The following ANXA7 variants were observed in gnomAD, a reference collection of about 807,000 sequenced individuals.
ANXA7 encodes the protein annexin VII.
ANXA7 carries 55 observed loss-of-function variants against 64.9 expected under a neutral mutation model. The ratio of observed to expected loss-of-function variants is 0.85; its 90% CI spans 0.68 to 1.06. The LOEUF (loss-of-function observed/expected upper bound fraction) is 1.06, where lower values mean the gene tolerates loss of function less well. ANXA7 is among the 50% of genes least tolerant of loss of function. ANXA7 has a pLI of 0.00. For synonymous variants in ANXA7, 200 were observed against 192.4 expected, an observed-to-expected ratio of 1.04 and a Z score of -0.33; for missense variants, 548 against 582.1, an observed-to-expected ratio of 0.94 and a Z score of 0.60.
At chr10:73,379,821 T>G in intron 11 of ANXA7, 58 bp downstream of exon 11, 1 of 1,462,070 alleles carries the variant, frequency 6.8e-7, no homozygotes, top group East Asian at 2.3e-5. Context: ...TGGGAACAAC[T>G]ATTCAAAGCT....
chr10:73,405,476 T>C (rs367659862), intron 1 of ANXA7, among the ~76,000 whole-genome samples: 2 of 152,122 alleles, frequency 1.3e-5, no homozygotes, highest in East Asian at 3.9e-4. Context: ...GAGGCAGAGG[T>C]TGCAGTGAGC....
chr10:73,396,591 GT>G lies in ANXA7; in HGVS notation c.371-9del. 1 of 1,585,430 alleles carries G rather than the reference GT, an allele frequency of 6.3e-7. No individual in the cohort carries two copies. Among genetic ancestry groups the G allele is most frequent in the Non-Finnish European group, 8.6e-7 (1 of 1,159,824 alleles). ...GTCCTCCAGGAAAGCCACCTATAAT[GT>G]TAAAAAAAATAATAATAATACGGCA... On this transcript the variant is annotated splice_polypyrimidine_tract_variant and intron_variant, in intron 4 of 12. Transcript: ENST00000372921.
chr10:73,392,684 T>A (rs1589655231), intron 5 of ANXA7, among the ~76,000 whole-genome samples: 2 of 152,160 alleles, frequency 1.3e-5, no homozygotes, highest in Non-Finnish European at 2.9e-5. Flanking sequence ...ATAAATTAGG[T>A]ATTGATGGGA....
chr10:73,392,392 A>AC (rs1335926673), intron 5 of ANXA7, among the ~76,000 whole-genome samples: 26 of 148,436 alleles, frequency 1.8e-4, no homozygotes, highest in African/African-American at 6.4e-4. Flanking sequence ...GCAGAGACAC[A>AC]ACAAAAAAAA....
rs76715127 is a variant in ANXA7 at position 73,407,030 on chromosome 10, A to G, written c.-1-6173T>C. Among the ~76,000 whole-genome samples the G allele has an allele frequency of 4.6e-3, 699 of 152,248 alleles. 4 individuals carry two copies. The highest frequency in any genetic ancestry group is 8.1e-3 in the Non-Finnish European group (550 of 68,004). On this transcript the variant is annotated intron_variant, in intron 1 of 12. Coordinates refer to ENST00000372921, the MANE Select transcript of ANXA7 (RefSeq NM_001156.5). The stretch of plus-strand genomic sequence containing the variant: ...TTACTCACCCCTCCTATCTAGCTCA[A>G]GTCTCCTCTCTTCCTTCTTTGAACA...
intron 1 of ANXA7, 39 bp from the exon 2 acceptor site, chr10:73,400,896 G>GTTGTT (rs542196249): frequency 9.9e-5 from 152 of 1,542,262 alleles, no homozygotes; most frequent in African/African-American, 3.3e-4. Context: ...TAAGTTTTTT[G>GTTGTT]TTGTTTTGTT....
At chr10:73,406,729 C>G (rs995570530) in intron 1 of ANXA7, among the ~76,000 whole-genome samples, 58 of 152,168 alleles carry the variant, frequency 3.8e-4, no homozygotes, top group African/African-American at 1.4e-3. Context: ...ACAACCATAC[C>G]TGGCTAATTT....
At chr10:73,394,507 T>C (rs2055538143) in intron 5 of ANXA7, among the ~76,000 whole-genome samples, 3 of 152,330 alleles carry the variant, frequency 2.0e-5, no homozygotes, top group Middle Eastern at 3.4e-3. Context: ...GTGGCACATA[T>C]ACACCATGGA....
chr10:73,383,231 C>A lies in ANXA7; in HGVS notation c.862G>T (p.Asp288Tyr), dbSNP rs201792590. 10 of 1,614,116 alleles carry A rather than the reference C, an allele frequency of 6.2e-6. No individual in the cohort carries two copies. The highest frequency in any genetic ancestry group is 2.5e-6 in the Non-Finnish European group (3 of 1,179,994). The change falls in exon 9 of 13, where the codon GAC (aspartate) becomes TAC (tyrosine). Residue 288 changes from aspartate to tyrosine, a missense_variant. By Grantham distance (160) the Asp-to-Tyr change is radical. Transcript: ENST00000372921. ...QSEFGRDLEK[D>Y]IRSDTSGHFE... ...TGTCCTGATGTATCTGACCTAATGT[C>A]CTTTTCAAGGTCTCGTCCAAATTCT...
intron 12 of ANXA7, among the ~76,000 whole-genome samples, chr10:73,377,904 C>CGTGT (rs141696096): frequency 0.011 from 1,371 of 119,368 alleles, 19 homozygotes; most frequent in African/African-American, 0.012. Context: ...CACGCCCCGG[C>CGTGT]GTGTGTGTGT....
intron 7 of ANXA7, among the ~76,000 whole-genome samples, chr10:73,386,280 G>C (rs1291707822): frequency 6.6e-6 from 1 of 151,344 alleles, no homozygotes; most frequent in Non-Finnish European, 1.5e-5. Context: ...GAGGAACAAT[G>C]GCATTTTTTA....
chr10:73,396,239 G>A (rs7100800), intron 5 of ANXA7: 75,083 of 665,748 alleles, frequency 0.11, 7,001 homozygotes, highest in African/African-American at 0.32. Context: ...GGGCAAGGAA[G>A]AGGAAAAAGA....
At chr10:73,404,359 C>T (rs2055719840) in intron 1 of ANXA7, among the ~76,000 whole-genome samples, 1 of 152,140 alleles carries the variant, frequency 6.6e-6, no homozygotes, top group Non-Finnish European at 1.5e-5. Context: ...GTGCTCATTT[C>T]CATTTGGAAA....
intron 5 of ANXA7, among the ~76,000 whole-genome samples, chr10:73,391,704 C>T (rs1315776345): frequency 6.6e-6 from 1 of 152,066 alleles, no homozygotes; most frequent in Non-Finnish European, 1.5e-5. Flanking sequence ...TAAACTGGCC[C>T]AACTTCCCAT....
intron 5 of ANXA7, among the ~76,000 whole-genome samples, chr10:73,390,665 T>A (rs1013554241): frequency 1.4e-5 from 2 of 148,034 alleles, no homozygotes; most frequent in African/African-American, 4.9e-5. Flanking sequence ...ATTTGATGAT[T>A]CTCATTTTCT....
At chr10:73,380,378 T>G (rs189713222) in intron 9 of ANXA7, among the ~76,000 whole-genome samples, 177 bp from the exon 10 acceptor site, 4 of 152,198 alleles carry the variant, frequency 2.6e-5, no homozygotes, top group Admixed American at 1.3e-4. Context: ...CAAGTGATCC[T>G]TCCACCTCAG....
At chr10:73,380,505 C>T (rs2055259092) in intron 9 of ANXA7, among the ~76,000 whole-genome samples, 1 of 152,054 alleles carries the variant, frequency 6.6e-6, no homozygotes, top group South Asian at 2.1e-4. Flanking sequence ...AACTCCTGGG[C>T]TTAAGTGATC....
chr10:73,401,011 T>G (rs1473489545), intron 1 of ANXA7, among the ~76,000 whole-genome samples, 154 bp from the exon 2 acceptor site: 1 of 152,148 alleles, frequency 6.6e-6, no homozygotes, highest in Non-Finnish European at 1.5e-5. Flanking sequence ...GTTCAAGCGA[T>G]TCTCCTGCCT....
chr10:73,384,504 C>T (rs756107851), intron 7 of ANXA7, among the ~76,000 whole-genome samples: 2 of 151,852 alleles, frequency 1.3e-5, no homozygotes, highest in Non-Finnish European at 2.9e-5. Flanking sequence ...TGGGTTCAAG[C>T]GCTTCTCCTT....
Sources: gnomAD v4.1 joint callset for allele counts (sites outside exome capture counted in the v4.1 genomes callset) on GRCh38, gnomAD v4.1.1 for gene constraint, MANE v1.5 for transcripts, NCBI Gene and HGNC (gene_info 2026-07-23, HGNC 2026-07-21) for gene names.